Variants in PRKCE observed in about 807,000 individuals in gnomAD.
PRKCE encodes protein kinase C epsilon.
PRKCE carries 16 observed loss-of-function variants against 85.4 expected under a neutral mutation model. The observed-to-expected ratio is 0.19, with a 90% CI of 0.13 to 0.28. PRKCE has a LOEUF of 0.28. Among genes scored for constraint, PRKCE ranks in the 10% least tolerant of loss-of-function variants. The pLI is 1.00. For missense variants in PRKCE, 573 were observed against 975.2 expected (o/e 0.59, Z 5.49); for synonymous variants, 388 against 371.5 (o/e 1.04, Z -0.51).
chr2:45,982,164 G>A (rs1392634582), intron 5 of PRKCE, among the ~76,000 whole-genome samples: 1 of 152,334 alleles, frequency 6.6e-6, no homozygotes, highest in East Asian at 1.9e-4. Context: ...ACCACCTTGT[G>A]CTTCCAGAGG....
At chr2:45,699,579 C>T (rs1372025061) in intron 1 of PRKCE, among the ~76,000 whole-genome samples, 1 of 152,192 alleles carries the variant, frequency 6.6e-6, no homozygotes, top group African/African-American at 2.4e-5. Flanking sequence ...CTGTGTGGGT[C>T]ACTGTAGACA....
chr2:45,782,249 A>C (rs796076187), intron 1 of PRKCE, among the ~76,000 whole-genome samples: 8 of 152,210 alleles, frequency 5.3e-5, no homozygotes, highest in African/African-American at 1.9e-4. Flanking sequence ...TGACCCCAGC[A>C]AGTGCCCATT....
intron 1 of PRKCE, among the ~76,000 whole-genome samples, chr2:45,813,305 G>C (rs536442473): frequency 6.6e-6 from 1 of 152,320 alleles, no homozygotes; most frequent in East Asian, 1.9e-4. Context: ...ATTTTCAAAA[G>C]AAGGGCCTTG....
intron 1 of PRKCE, among the ~76,000 whole-genome samples, chr2:45,663,076 T>C (rs1229774967): frequency 6.6e-6 from 1 of 152,202 alleles, no homozygotes; most frequent in Non-Finnish European, 1.5e-5. Flanking sequence ...CAGGTCTCTG[T>C]GATCAAAGAG....
At chr2:45,880,930 G>T (rs908190264) in intron 2 of PRKCE, among the ~76,000 whole-genome samples, 3 of 152,198 alleles carry the variant, frequency 2.0e-5, no homozygotes, top group Non-Finnish European at 4.4e-5. Flanking sequence ...GAGGCGGGCG[G>T]ATCACGAGGT....
intron 6 of PRKCE, among the ~76,000 whole-genome samples, chr2:45,994,624 C>T (rs1032366780): frequency 6.6e-6 from 1 of 152,190 alleles, no homozygotes; most frequent in African/African-American, 2.4e-5. Context: ...TGCTAACTCA[C>T]TTCTTTTTAA....
At chr2:45,980,863 C>A (rs1003847271) in intron 5 of PRKCE, among the ~76,000 whole-genome samples, 7 of 152,200 alleles carry the variant, frequency 4.6e-5, no homozygotes, top group African/African-American at 1.7e-4. Flanking sequence ...GGGCACTTAC[C>A]GTGCCCTGAT....
intron 2 of PRKCE, among the ~76,000 whole-genome samples, chr2:45,918,876 A>G (rs188616428): frequency 3.3e-4 from 50 of 152,298 alleles, no homozygotes; most frequent in African/African-American, 1.1e-3. Flanking sequence ...TGAATGTTGC[A>G]GAGGTTGGAG....
chr2:45,959,748 C>A (rs867400523), intron 2 of PRKCE, among the ~76,000 whole-genome samples: 1 of 152,148 alleles, frequency 6.6e-6, no homozygotes. Context: ...TCTAACTTAC[C>A]CTCTTACCTT....
intron 2 of PRKCE, among the ~76,000 whole-genome samples, chr2:45,923,712 A>G (rs1233702146): frequency 1.3e-5 from 2 of 152,218 alleles, no homozygotes; most frequent in Non-Finnish European, 2.9e-5. Context: ...ATAGGAGGGC[A>G]GAGCAGGGAA....
Position 46,187,657 on chromosome 2 carries a change from T to C in PRKCE, c.*2776T>C, listed in dbSNP as rs1680544039. ...CTGTGTTCTCTCATTATGGACTTTG[T>C]GAAGTAGAAACATAATTTTTTTTCC... On this transcript the variant is annotated 3_prime_UTR_variant, in exon 15 of 15. Coordinates refer to ENST00000306156, the MANE Select transcript of PRKCE (RefSeq NM_005400.3). 1 of 152,178 alleles carries C rather than the reference T, an allele frequency of 6.6e-6. No homozygotes were observed. The highest frequency in any genetic ancestry group is 2.1e-4 in the South Asian group (1 of 4,812). 9.4% of individuals were successfully genotyped at this position (152,178 alleles called of 1,614,324 possible). A position where few individuals can be genotyped will look rare whatever the true frequency, so the allele number is the denominator to read the frequency against.
At chr2:45,850,645 G>T (rs989327513) in intron 2 of PRKCE, among the ~76,000 whole-genome samples, 6 of 152,116 alleles carry the variant, frequency 3.9e-5, no homozygotes, top group African/African-American at 1.4e-4. Flanking sequence ...TTATTACCTA[G>T]CTTTGTTGAA....
At chr2:45,681,813 G>T (rs1361245475) in intron 1 of PRKCE, among the ~76,000 whole-genome samples, 1 of 152,192 alleles carries the variant, frequency 6.6e-6, no homozygotes, top group Non-Finnish European at 1.5e-5. Flanking sequence ...GCCTGGCTTG[G>T]TGCTCACTAA....
At chr2:46,042,381 A>G (rs1450288059) in intron 10 of PRKCE, among the ~76,000 whole-genome samples, 1 of 152,246 alleles carries the variant, frequency 6.6e-6, no homozygotes, top group Non-Finnish European at 1.5e-5. Context: ...TGCCTGGGTC[A>G]GTTGGAGTTT....
At chr2:45,835,574 T>C (rs997218763) in intron 1 of PRKCE, among the ~76,000 whole-genome samples, 4 of 151,166 alleles carry the variant, frequency 2.6e-5, no homozygotes, top group Non-Finnish European at 5.9e-5. Context: ...ATCCATGTTG[T>C]TGCATGTATC....
At chr2:46,100,341 C>G (rs1671087054) in intron 11 of PRKCE, among the ~76,000 whole-genome samples, 1 of 152,210 alleles carries the variant, frequency 6.6e-6, no homozygotes, top group Admixed American at 6.5e-5. Flanking sequence ...TCCTCCCTCT[C>G]TAATTTACCC....
intron 2 of PRKCE, among the ~76,000 whole-genome samples, chr2:45,942,311 C>T (rs1699941703): frequency 1.3e-5 from 2 of 152,066 alleles, no homozygotes; most frequent in South Asian, 2.1e-4. Context: ...CCTGAAATGC[C>T]TCAAAGTTTA....
chr2:45,801,481 A>C (rs1687862392), intron 1 of PRKCE, among the ~76,000 whole-genome samples: 1 of 147,178 alleles, frequency 6.8e-6, no homozygotes, highest in Non-Finnish European at 1.5e-5. Flanking sequence ...TAAATCCCAC[A>C]GGACTCAGTC....
intron 6 of PRKCE, among the ~76,000 whole-genome samples, chr2:45,989,165 C>T (rs1703593960): frequency 6.6e-6 from 1 of 152,204 alleles, no homozygotes; most frequent in African/African-American, 2.4e-5. Flanking sequence ...TTTCTCATCC[C>T]CATCTGGGGT....
Sources: allele counts gnomAD v4.1 joint callset (sites outside exome capture counted in the v4.1 genomes callset), GRCh38; gene constraint gnomAD v4.1.1; transcripts MANE v1.5; gene names NCBI Gene and HGNC (gene_info 2026-07-23, HGNC 2026-07-21).